FIG4: variants seen among roughly 807,000 people sequenced by gnomAD.
The protein encoded by FIG4 is FIG4 phosphoinositide 5-phosphatase, also known as polyphosphoinositide phosphatase.
In FIG4, 112 loss-of-function variants were observed where a neutral mutation model predicts 118.6. That is an observed-to-expected ratio of 0.94 (90% CI 0.81 to 1.11). The LOEUF is 1.11. Ranked by LOEUF, FIG4 falls within the 50% of genes least tolerant of loss-of-function variation. The probability of loss-of-function intolerance (pLI) is 0.00; values close to 1 mark genes in which losing one functional copy is unlikely to be tolerated. For synonymous variants in FIG4, 369 were observed against 381.2 expected (o/e 0.97, Z 0.37); for missense variants, 969 against 1,111.7 (o/e 0.87, Z 1.83).
At chr6:109,787,369 C>T (rs1215885574) in intron 18 of FIG4, among the ~76,000 whole-genome samples, 5 of 152,126 alleles carry the variant, frequency 3.3e-5, no homozygotes, top group Non-Finnish European at 7.4e-5. Context: ...CTAGAAATCA[C>T]TCTACATTTT....
chr6:109,705,879 A>G (rs1348408845), intron 1 of FIG4, among the ~76,000 whole-genome samples: 1 of 152,230 alleles, frequency 6.6e-6, no homozygotes, highest in Non-Finnish European at 1.5e-5. Flanking sequence ...AATTTCATTT[A>G]GGGATTTTAC....
intron 21 of FIG4, among the ~76,000 whole-genome samples, chr6:109,796,241 G>A (rs1355647081): frequency 3.3e-5 from 5 of 152,294 alleles, no homozygotes; most frequent in Middle Eastern, 3.4e-3. Context: ...TACTTGGTGG[G>A]GGGATTCTTG....
At chr6:109,825,033 T>TG in intron 22 of FIG4, 55 bp from the exon 23 acceptor site, 1 of 1,532,294 alleles carries the variant, frequency 6.5e-7, no homozygotes, top group Middle Eastern at 1.7e-4. Flanking sequence ...CTGCTCCCTG[T>TG]GGTCCTTCCT....
At chr6:109,772,750 G>A (rs773132431) in intron 15 of FIG4, among the ~76,000 whole-genome samples, 4 of 152,118 alleles carry the variant, frequency 2.6e-5, no homozygotes, top group Non-Finnish European at 4.4e-5. Flanking sequence ...ACCATGCCTG[G>A]CCATTGAATT....
At chr6:109,778,557 CAG>C (rs752266112) in intron 16 of FIG4, among the ~76,000 whole-genome samples, 5 of 151,470 alleles carry the variant, frequency 3.3e-5, no homozygotes, top group Non-Finnish European at 7.4e-5. Context: ...GAACAACTGA[CAG>C]AGTTGCAAGT....
At chr6:109,764,867 G>C (rs1777231960) in intron 13 of FIG4, 146 bp from the exon 14 acceptor site, 1 of 689,782 alleles carries the variant, frequency 1.4e-6, no homozygotes, top group African/African-American at 1.8e-5. Flanking sequence ...AATAATATTT[G>C]TTCAGGAATA....
intron 10 of FIG4, among the ~76,000 whole-genome samples, chr6:109,746,051 A>G (rs1776486854): frequency 2.6e-5 from 4 of 152,324 alleles, no homozygotes; most frequent in Admixed American, 1.3e-4. Flanking sequence ...ATAGATATAT[A>G]GACCAATGGA....
intron 22 of FIG4, among the ~76,000 whole-genome samples, chr6:109,813,910 A>G (rs1778788858): frequency 6.6e-6 from 1 of 152,178 alleles, no homozygotes; most frequent in African/African-American, 2.4e-5. Context: ...GCCTCCGTTA[A>G]GCCTTGAGTT....
rs1275626914 is a variant in FIG4 at position 109,743,220 on chromosome 6, C to T, written c.987C>T (p.Pro329=). 22 of 1,612,956 alleles carry T rather than the reference C, an allele frequency of 1.4e-5. No individual in the cohort carries two copies. The highest frequency in any genetic ancestry group is 1.8e-5 in the Non-Finnish European group (21 of 1,179,268). Residue 329 remains proline (P), a synonymous_variant, in exon 9 of 23, where the codon CCC becomes CCT. Coordinates refer to ENST00000230124, the MANE Select transcript of FIG4 (RefSeq NM_014845.6). ...ATGTACAAGTTAGAGGATCTGTGCC[C>T]TTATACTGGTCTCAGGACATTTCAA... ...SSYVQVRGSV[P]LYWSQDISTM... is the part of the protein sequence containing the mutation.
chr6:109,823,192 A>T (rs1482307356), intron 22 of FIG4, among the ~76,000 whole-genome samples: 1 of 152,122 alleles, frequency 6.6e-6, no homozygotes, highest in Non-Finnish European at 1.5e-5. Flanking sequence ...TGGCTCCCTG[A>T]CAGGTTGAAG....
At chr6:109,771,437 A>G (rs1583710423) in intron 15 of FIG4, among the ~76,000 whole-genome samples, 1 of 127,508 alleles carries the variant, frequency 7.8e-6, no homozygotes, top group Admixed American at 7.8e-5. Flanking sequence ...AAAATAAGTT[A>G]TTGAAAGGGA....
At chr6:109,727,960 C>T (rs1373889335) in intron 4 of FIG4, among the ~76,000 whole-genome samples, 4 of 152,102 alleles carry the variant, frequency 2.6e-5, no homozygotes, top group Admixed American at 6.6e-5. Context: ...AGATTTTGGT[C>T]GGATTCTGGG....
rs1425843385 is a variant in FIG4, at chr6:109,778,232, G to A, written c.1889+1172G>A. On this transcript the variant is annotated intron_variant, in intron 16 of 22. Transcript: ENST00000230124. The stretch of plus-strand genomic sequence containing the variant: ...TCCCAACACTTTGGGAGGCCAAGGC[G>A]GGAGGATTACCTGAGGTCAGCAGTT... Among the ~76,000 whole-genome samples, 10 of 151,956 alleles carry A rather than the reference G, an allele frequency of 6.6e-5. 1 individual carries two copies. In the South Asian group the frequency reaches 8.3e-4, roughly 13 times the overall value.
intron 21 of FIG4, among the ~76,000 whole-genome samples, chr6:109,796,348 G>T (rs1213605598): frequency 6.6e-6 from 1 of 152,118 alleles, no homozygotes; most frequent in African/African-American, 2.4e-5. Context: ...CACGTCACTT[G>T]TCTCACTGCC....
intron 4 of FIG4, among the ~76,000 whole-genome samples, chr6:109,730,701 GT>G (rs1486421724): frequency 1.3e-5 from 2 of 152,098 alleles, no homozygotes; most frequent in African/African-American, 4.8e-5. Flanking sequence ...GATAAATAGT[GT>G]TGGTTTTCCA....
At chr6:109,732,899 T>C (rs1302442961) in intron 5 of FIG4, among the ~76,000 whole-genome samples, 1 of 152,150 alleles carries the variant, frequency 6.6e-6, no homozygotes, top group African/African-American at 2.4e-5. Flanking sequence ...TTATTCACAT[T>C]ATAAAAATCA....
At chr6:109,696,567 G>T (rs1391372951) in intron 1 of FIG4, among the ~76,000 whole-genome samples, 1 of 152,192 alleles carries the variant, frequency 6.6e-6, no homozygotes, top group African/African-American at 2.4e-5. Context: ...CCAGGAAAAA[G>T]AATGAATTTC....
chr6:109,733,878 G>A (rs1465964220), intron 5 of FIG4, among the ~76,000 whole-genome samples: 1 of 151,856 alleles, frequency 6.6e-6, no homozygotes, highest in African/African-American at 2.4e-5. Flanking sequence ...ACTGAGTTGT[G>A]ATCAAGTCAT....
At chr6:109,789,419 A>G (rs1042893446) in intron 18 of FIG4, among the ~76,000 whole-genome samples, 175 bp from the exon 19 acceptor site, 1 of 152,162 alleles carries the variant, frequency 6.6e-6, no homozygotes, top group Admixed American at 6.5e-5. Context: ...TAACATTGAA[A>G]TTATCTAGTG....
Sources: gnomAD v4.1 joint callset for allele counts (sites outside exome capture counted in the v4.1 genomes callset) on GRCh38, gnomAD v4.1.1 for gene constraint, MANE v1.5 for transcripts, NCBI Gene and HGNC (gene_info 2026-07-23, HGNC 2026-07-21) for gene names.